MAN2A1: variants seen among roughly 807,000 people sequenced by gnomAD.
MAN2A1 encodes the protein alpha-mannosidase 2.
In MAN2A1, 76 loss-of-function variants were observed where a neutral mutation model predicts 142.6. The observed-to-expected ratio is 0.53, with a 90% CI of 0.44 to 0.65. MAN2A1 has a LOEUF of 0.65. Ranked by LOEUF, MAN2A1 falls within the 30% of genes least tolerant of loss-of-function variation. MAN2A1 has a pLI of 0.00. For synonymous variants in MAN2A1, 559 were observed against 473.2 expected, an observed-to-expected ratio of 1.18 and a Z score of -2.35; for missense variants, 1,311 against 1,365.1, an observed-to-expected ratio of 0.96 and a Z score of 0.62.
chr5:109,860,540 G>A (rs1580324233), intron 20 of MAN2A1, among the ~76,000 whole-genome samples: 1 of 152,246 alleles, frequency 6.6e-6, no homozygotes, highest in East Asian at 1.9e-4. Context: ...CATGCATCCT[G>A]GAGAATTTGG....
Position 109,865,945 on chromosome 5 carries a change from C to G in MAN2A1, c.3282+799C>G, listed in dbSNP as rs3797673. On this transcript the variant is annotated intron_variant, in intron 21 of 21. Transcript: ENST00000261483. ...GCCTCACCAGGCAGCTCAGCTGACC[C>G]AGCTTTCCTCCAAAACCTCATAAAT... is the stretch of plus-strand genomic sequence containing the variant. 9.9e-4 allele frequency among the ~76,000 whole-genome samples: 151 copies of G among 152,256 alleles called. 1 individual carries two copies. The East Asian group carries it at 0.025, about 25-fold the overall frequency.
intron 4 of MAN2A1, among the ~76,000 whole-genome samples, chr5:109,733,591 A>C (rs555716300): frequency 6.6e-6 from 1 of 152,148 alleles, no homozygotes; most frequent in East Asian, 1.9e-4. Context: ...AATTTTGTCA[A>C]AGGCCTTTTC....
At chr5:109,832,850 C>A (rs1280752950) in intron 16 of MAN2A1, among the ~76,000 whole-genome samples, 1 of 144,240 alleles carries the variant, frequency 6.9e-6, no homozygotes, top group South Asian at 2.1e-4. Context: ...GGCTGCCGGG[C>A]GGAGGGGCTC....
At chr5:109,748,703 C>T (rs1161267122) in intron 4 of MAN2A1, among the ~76,000 whole-genome samples, 6 of 151,942 alleles carry the variant, frequency 3.9e-5, no homozygotes, top group African/African-American at 1.5e-4. Context: ...GAAGGGAAAA[C>T]ATTCCAGGCA....
intron 4 of MAN2A1, among the ~76,000 whole-genome samples, chr5:109,732,049 C>G (rs1561483274): frequency 1.3e-5 from 2 of 151,942 alleles, no homozygotes; most frequent in Non-Finnish European, 2.9e-5. Context: ...TTAATGATTG[C>G]CATTCTAACT....
At chr5:109,691,133 C>A (rs1378107838) in intron 1 of MAN2A1, among the ~76,000 whole-genome samples, 1 of 152,184 alleles carries the variant, frequency 6.6e-6, no homozygotes, top group Non-Finnish European at 1.5e-5. Flanking sequence ...GCTATTACAT[C>A]TGGTTTGTTT....
At chr5:109,800,707 T>G (rs1754005183) in intron 12 of MAN2A1, among the ~76,000 whole-genome samples, 2 of 152,234 alleles carry the variant, frequency 1.3e-5, no homozygotes, top group South Asian at 2.1e-4. Flanking sequence ...GATTTTAACT[T>G]AAGTTTTTAT....
intron 12 of MAN2A1, among the ~76,000 whole-genome samples, chr5:109,791,164 ATTAC>A (rs1204222981): frequency 2.6e-5 from 4 of 151,922 alleles, no homozygotes; most frequent in Non-Finnish European, 5.9e-5. Context: ...TTATCTTCCT[ATTAC>A]TTCTTTACAG....
At chr5:109,831,804 CA>C (rs1318190293) in intron 16 of MAN2A1, among the ~76,000 whole-genome samples, 3 of 148,400 alleles carry the variant, frequency 2.0e-5, no homozygotes, top group Non-Finnish European at 4.5e-5. Context: ...AAACAAAAAT[CA>C]TGTGTGTGTG....
intron 4 of MAN2A1, among the ~76,000 whole-genome samples, chr5:109,748,394 C>G (rs1429702488): frequency 4.3e-5 from 6 of 140,840 alleles, no homozygotes; most frequent in African/African-American, 1.6e-4. Flanking sequence ...TGCATTGTAT[C>G]TTTTGCCTTT....
intron 3 of MAN2A1, among the ~76,000 whole-genome samples, chr5:109,721,313 G>A (rs1032823220): frequency 1.3e-5 from 2 of 151,942 alleles, no homozygotes; most frequent in South Asian, 4.2e-4. Context: ...TTCTTCTTGT[G>A]TTGTAGGCAT....
At chr5:109,766,079 G>GCA (rs1182691182) in intron 5 of MAN2A1, among the ~76,000 whole-genome samples, 1 of 151,916 alleles carries the variant, frequency 6.6e-6, no homozygotes, top group Non-Finnish European at 1.5e-5. Flanking sequence ...GAAAATTTGT[G>GCA]TATGTTTGTG....
At chr5:109,797,373 T>C (rs1395986176) in intron 12 of MAN2A1, among the ~76,000 whole-genome samples, 1 of 151,704 alleles carries the variant, frequency 6.6e-6, no homozygotes, top group African/African-American at 2.4e-5. Flanking sequence ...AATGAAAATA[T>C]TTGGAAGAGG....
chr5:109,808,853 A>C (rs1193176529), intron 12 of MAN2A1, among the ~76,000 whole-genome samples: 1 of 151,640 alleles, frequency 6.6e-6, no homozygotes, highest in Non-Finnish European at 1.5e-5. Flanking sequence ...ACACACACGC[A>C]CCACCATGCT....
chr5:109,807,212 G>A (rs1449273821), intron 12 of MAN2A1, among the ~76,000 whole-genome samples: 2 of 152,042 alleles, frequency 1.3e-5, no homozygotes, highest in Non-Finnish European at 1.5e-5. Context: ...AGCTCTTCTT[G>A]CTTGTTACTC....
At chr5:109,835,709 C>T (rs1186235986) in intron 16 of MAN2A1, among the ~76,000 whole-genome samples, 1 of 152,126 alleles carries the variant, frequency 6.6e-6, no homozygotes, top group African/African-American at 2.4e-5. Flanking sequence ...TTGCCTCTCA[C>T]TCCTATAACT....
At chr5:109,784,650 G>T in intron 9 of MAN2A1, 94 bp from the exon 10 acceptor site, 1 of 952,520 alleles carries the variant, frequency 1.0e-6, no homozygotes. Context: ...TGCAATTATG[G>T]ATTAAAAAAT....
chr5:109,802,439 T>G (rs535552685), intron 12 of MAN2A1, among the ~76,000 whole-genome samples: 14 of 152,276 alleles, frequency 9.2e-5, no homozygotes, highest in African/African-American at 3.4e-4. Context: ...TTCAGAGCTT[T>G]TTGGATTTCA....
At chr5:109,821,114 A>C (rs181800669) in intron 15 of MAN2A1, among the ~76,000 whole-genome samples, 1 of 152,308 alleles carries the variant, frequency 6.6e-6, no homozygotes, top group Admixed American at 6.5e-5. Context: ...AAAATTTACC[A>C]ACAGGTGCAC....
Sources: allele counts gnomAD v4.1 joint callset (sites outside exome capture counted in the v4.1 genomes callset), GRCh38; gene constraint gnomAD v4.1.1; transcripts MANE v1.5; gene names NCBI Gene and HGNC (gene_info 2026-07-23, HGNC 2026-07-21).